The following ARHGAP26 variants were observed in gnomAD, a reference collection of about 807,000 sequenced individuals.
ARHGAP26 encodes the protein Rho GTPase activating protein 26.
ARHGAP26 carries 38 observed loss-of-function variants against 104.8 expected under a neutral mutation model. The observed-to-expected ratio is 0.36, with a 90% CI of 0.28 to 0.48. The LOEUF (loss-of-function observed/expected upper bound fraction) is 0.48, where lower values mean the gene tolerates loss of function less well. ARHGAP26 is among the 20% of genes least tolerant of loss of function. ARHGAP26 has a pLI of 0.99. For synonymous variants in ARHGAP26, 341 were observed against 340.0 expected, an observed-to-expected ratio of 1.00 and a Z score of -0.03; for missense variants, 704 against 947.9, an observed-to-expected ratio of 0.74 and a Z score of 3.38.
intron 8 of ARHGAP26, among the ~76,000 whole-genome samples, chr5:142,905,892 TG>T (rs1483916181): frequency 6.6e-6 from 1 of 152,196 alleles, no homozygotes; most frequent in Non-Finnish European, 1.5e-5. Context: ...TTTTGCCAGT[TG>T]TATCAATAAT....
intron 1 of ARHGAP26, among the ~76,000 whole-genome samples, chr5:142,774,023 C>G (rs886376123): frequency 6.6e-6 from 1 of 152,102 alleles, no homozygotes; most frequent in Non-Finnish European, 1.5e-5. Context: ...AAAGGATGTT[C>G]GATGCCAACC....
At chr5:143,073,526 A>G (rs1259418727) in intron 17 of ARHGAP26, among the ~76,000 whole-genome samples, 1 of 152,196 alleles carries the variant, frequency 6.6e-6, no homozygotes, top group Admixed American at 6.5e-5. Context: ...GAGGCTAATT[A>G]TTTATTTCCC....
chr5:143,001,698 A>C (rs895801083), intron 11 of ARHGAP26, among the ~76,000 whole-genome samples: 1 of 152,266 alleles, frequency 6.6e-6, no homozygotes, highest in African/African-American at 2.4e-5. Flanking sequence ...CACAGAGTGC[A>C]GAATTCTAGA....
At chr5:143,148,193 A>G (rs1799388508) in intron 20 of ARHGAP26, among the ~76,000 whole-genome samples, 1 of 152,166 alleles carries the variant, frequency 6.6e-6, no homozygotes, top group South Asian at 2.1e-4. Flanking sequence ...CCCATTCTCT[A>G]AGTGAAAATA....
chr5:143,187,021 T>C (rs1411799806), intron 20 of ARHGAP26, among the ~76,000 whole-genome samples: 1 of 152,224 alleles, frequency 6.6e-6, no homozygotes, highest in Non-Finnish European at 1.5e-5. Context: ...ATATTCTAAT[T>C]ATAACAGCTA....
chr5:142,949,934 G>C (rs780560714), intron 11 of ARHGAP26, among the ~76,000 whole-genome samples: 12 of 152,196 alleles, frequency 7.9e-5, no homozygotes, highest in Non-Finnish European at 1.6e-4. Flanking sequence ...CTATTGACCA[G>C]GTCATTTCAT....
Position 143,012,574 on chromosome 5 carries a change from TATTA to T in ARHGAP26, c.1108-1505_1108-1502del, listed in dbSNP as rs1779024461. 6.8e-5 allele frequency among the ~76,000 whole-genome samples: 6 copies of T among 87,926 alleles called. 1 individual carries two copies. Among genetic ancestry groups the T allele is most frequent in the Non-Finnish European group, 1.4e-4 (5 of 35,096 alleles). The allele number at this position is 87,926 out of a possible 152,430, so 57.7% of individuals were successfully genotyped here. On this transcript the variant is annotated intron_variant, in intron 11 of 22. Transcript: ENST00000645722. ...ATACATATATATATATATATATATA[TATTA>T]TGATCAGGTTCACCTTATGCCTTTC...
At chr5:143,015,528 G>C (rs538136080) in intron 12 of ARHGAP26, among the ~76,000 whole-genome samples, 16 of 152,278 alleles carry the variant, frequency 1.1e-4, no homozygotes, top group African/African-American at 3.9e-4. Context: ...GTCCACCCAG[G>C]GAAAAACTGT....
intron 1 of ARHGAP26, among the ~76,000 whole-genome samples, chr5:142,771,774 T>G (rs1425891638): frequency 1.3e-5 from 2 of 152,246 alleles, no homozygotes. Context: ...AAACCATTTT[T>G]GCGTTTTTTC....
chr5:143,220,768 G>T (rs935167700), intron 22 of ARHGAP26, among the ~76,000 whole-genome samples: 7 of 152,158 alleles, frequency 4.6e-5, no homozygotes, highest in African/African-American at 1.7e-4. Flanking sequence ...GTTTAACCTT[G>T]TCTTTTCCTA....
In ARHGAP26 at chr5:142,949,205, GAGAGAGAGAGAGAGAGGAGA is replaced by G. The variant is rs1562136591; in HGVS notation, c.1107+17081_1107+17100del. 6.4e-3 allele frequency among the ~76,000 whole-genome samples: 310 copies of G among 48,498 alleles called. 1 individual carries two copies. Among genetic ancestry groups the G allele is most frequent in the East Asian group, 0.026 (12 of 454 alleles). 31.8% of individuals were successfully genotyped at this position (48,498 alleles called of 152,430 possible). A position where few individuals can be genotyped will look rare whatever the true frequency, so the allele number is the denominator to read the frequency against. On this transcript the variant is annotated intron_variant, in intron 11 of 22. Transcript: ENST00000645722. ...AGAGAGAGAGAGAGAGAGAGAGAGA[GAGAGAGAGAGAGAGAGGAGA>G]GAGAGAGGAGAGAGAGAGAGAGAGA...
At chr5:143,032,201 G>A (rs1236326335) in intron 12 of ARHGAP26, among the ~76,000 whole-genome samples, 7 of 152,304 alleles carry the variant, frequency 4.6e-5, no homozygotes, top group African/African-American at 1.4e-4. Flanking sequence ...TGGATATTTG[G>A]TGCAAGCTCT....
intron 20 of ARHGAP26, chr5:143,166,084 G>A (rs777028176): frequency 9.1e-6 from 12 of 1,317,788 alleles, no homozygotes; most frequent in South Asian, 6.3e-5. Context: ...GTCCTGCTTC[G>A]TGATGGGCAC....
intron 18 of ARHGAP26, among the ~76,000 whole-genome samples, chr5:143,131,168 T>G (rs964632973): frequency 3.3e-5 from 5 of 152,198 alleles, no homozygotes; most frequent in Non-Finnish European, 7.3e-5. Flanking sequence ...TGTTACCATG[T>G]CTCTTCCTGC....
chr5:143,161,632 A>C (rs1206144534), intron 20 of ARHGAP26, among the ~76,000 whole-genome samples: 1 of 152,200 alleles, frequency 6.6e-6, no homozygotes, highest in Non-Finnish European at 1.5e-5. Flanking sequence ...GCTCAGACTT[A>C]CTGCTTAAAT....
At position 143,121,051 on chromosome 5, in the gene ARHGAP26, C is replaced by T; in HGVS notation, c.1602C>T (p.Pro534=). Residue 534 remains proline, a synonymous_variant, in exon 18 of 23, where the codon CCC becomes CCT. Coordinates refer to ENST00000645722, the MANE Select transcript of ARHGAP26 (RefSeq NM_001135608.3). ...TVANLGVVFG[P]TLLRPQEETV... is the part of the protein sequence containing the mutation. The stretch of plus-strand genomic sequence containing the variant: ...CAAACCTTGGTGTGGTGTTTGGACC[C>T]ACTCTGCTGAGGCCTCAGGAAGAAA... The T allele has an allele frequency of 1.9e-6, 3 of 1,613,620 alleles. No homozygotes were observed. The highest frequency in any genetic ancestry group is 2.5e-6 in the Non-Finnish European group (3 of 1,179,708).
At chr5:143,039,336 T>G (rs958143965) in intron 13 of ARHGAP26, among the ~76,000 whole-genome samples, 7 of 152,016 alleles carry the variant, frequency 4.6e-5, no homozygotes, top group Non-Finnish European at 8.8e-5. Context: ...GCCTCCTGAG[T>G]AACTGGCATT....
chr5:142,900,979 C>T (rs1056611465), intron 6 of ARHGAP26, among the ~76,000 whole-genome samples: 3 of 152,114 alleles, frequency 2.0e-5, no homozygotes, highest in Non-Finnish European at 2.9e-5. Flanking sequence ...TCCTAAATCT[C>T]GTTCGGGCTT....
intron 14 of ARHGAP26, among the ~76,000 whole-genome samples, chr5:143,053,945 T>C (rs1304801273): frequency 1.3e-5 from 2 of 152,238 alleles, no homozygotes; most frequent in Non-Finnish European, 1.5e-5. Context: ...CGAGGTAATA[T>C]TCCATCAGGT....
Sources: allele counts gnomAD v4.1 joint callset (sites outside exome capture counted in the v4.1 genomes callset), GRCh38; gene constraint gnomAD v4.1.1; transcripts MANE v1.5; gene names NCBI Gene and HGNC (gene_info 2026-07-23, HGNC 2026-07-21).